Variants in SMARCA5 observed in about 807,000 individuals in gnomAD.
The protein encoded by SMARCA5 is SWI/SNF-related matrix-associated actin-dependent regulator of chromatin subfamily A member 5.
Under a neutral mutation model 140.4 loss-of-function variants are expected in SMARCA5, and 18 were observed. That is an observed-to-expected ratio of 0.13 (90% confidence interval 0.09 to 0.19). SMARCA5 has a LOEUF of 0.19. Ranked by LOEUF, SMARCA5 falls within the 10% of genes least tolerant of loss-of-function variation. SMARCA5 has a pLI of 1.00. For missense variants in SMARCA5, 606 were observed against 1,276.8 expected (o/e 0.47, Z 8.01); for synonymous variants, 449 against 419.6 (o/e 1.07, Z -0.86).
At chr4:143,548,854 T>G (rs1737581038) in intron 22 of SMARCA5, among the ~76,000 whole-genome samples, 1 of 152,100 alleles carries the variant, frequency 6.6e-6, no homozygotes, top group South Asian at 2.1e-4. Context: ...CTCTGTATAT[T>G]TAAAGTAAAA....
At chr4:143,539,736 A>T (rs559302459) in intron 13 of SMARCA5, among the ~76,000 whole-genome samples, 2 of 152,120 alleles carry the variant, frequency 1.3e-5, no homozygotes, top group South Asian at 4.2e-4. Context: ...GGGTTTCACC[A>T]TGTTGGTCAG....
intron 22 of SMARCA5, 32 bp downstream of exon 22, chr4:143,548,172 G>A (rs1239010496): frequency 7.6e-7 from 1 of 1,316,306 alleles, no homozygotes; most frequent in Non-Finnish European, 1.1e-6. Context: ...GTGTAATGTA[G>A]CAGAGTTCAG....
At chr4:143,529,945 A>G (rs1229758983) in intron 8 of SMARCA5, among the ~76,000 whole-genome samples, 2 of 152,180 alleles carry the variant, frequency 1.3e-5, no homozygotes, top group Non-Finnish European at 2.9e-5. Context: ...AAAACAAAGC[A>G]CATATATAAT....
rs2149822532 is a variant in SMARCA5 at position 143,538,693 on chromosome 4, A to G, written c.1599A>G (p.Thr533=). The G allele has an allele frequency of 6.2e-7, 1 of 1,614,084 alleles. No individual in the cohort carries two copies. Among genetic ancestry groups the G allele is most frequent in the Non-Finnish European group, 8.5e-7 (1 of 1,179,960 alleles). The part of the protein sequence containing the change: ...NYEYCRLDGQ[T]PHDERQDSIN... ...AGTACTGCAGGTTGGATGGTCAGAC[A>G]CCCCATGATGAGAGACAAGTGAGTA... Residue 533 remains threonine, a synonymous_variant, in exon 12 of 24, where the codon ACA becomes ACG. Coordinates refer to ENST00000283131, the MANE Select transcript of SMARCA5 (RefSeq NM_003601.4).
intron 4 of SMARCA5, 58 bp downstream of exon 4, chr4:143,524,525 A>G: frequency 1.8e-6 from 2 of 1,106,502 alleles, no homozygotes; most frequent in African/African-American, 1.6e-5. Context: ...TCCTTTGGTT[A>G]ATGTTTTGGA....
At chr4:143,549,247 T>C (rs1267615797) in intron 22 of SMARCA5, among the ~76,000 whole-genome samples, 1 of 152,064 alleles carries the variant, frequency 6.6e-6, no homozygotes, top group Non-Finnish European at 1.5e-5. Flanking sequence ...ATACTATTTC[T>C]AAGTCTTGTG....
At chr4:143,551,543 T>C (rs891617840) in intron 23 of SMARCA5, among the ~76,000 whole-genome samples, 2 of 152,124 alleles carry the variant, frequency 1.3e-5, no homozygotes, top group Non-Finnish European at 2.9e-5. Flanking sequence ...GGACTTAAAG[T>C]CTTTAATACA....
At chr4:143,542,904 G>T (rs763582363) in intron 14 of SMARCA5, among the ~76,000 whole-genome samples, 2 of 152,136 alleles carry the variant, frequency 1.3e-5, no homozygotes, top group African/African-American at 2.4e-5. Context: ...GGCTTGAGCA[G>T]GGAGTTGAAG....
chr4:143,514,121 TG>T lies in SMARCA5; in HGVS notation c.177+24del. On this transcript the variant is annotated intron_variant, in intron 1 of 23. Transcript: ENST00000283131. ...ATGGAGGTGAGGGCGACTTGCGGCA[TG>T]GGGAGCGGGTGCAGCGGGGAGGAGG... 6.6e-7 allele frequency: 1 copy of T among 1,515,612 alleles called. No homozygotes were observed. The highest frequency in any genetic ancestry group is 8.8e-7 in the Non-Finnish European group (1 of 1,138,704). The allele number at this position is 1,515,612 out of a possible 1,614,324, so 93.9% of individuals were successfully genotyped here. A position where few individuals can be genotyped will look rare whatever the true frequency, so the allele number is the denominator to read the frequency against.
intron 6 of SMARCA5, 89 bp from the exon 7 acceptor site, chr4:143,527,779 C>T (rs1737105055): frequency 1.8e-6 from 2 of 1,134,318 alleles, no homozygotes; most frequent in East Asian, 2.6e-5. Flanking sequence ...GTATTCCCAC[C>T]TCTTTTTATA....
chr4:143,519,973 T>A (rs1389119423), intron 2 of SMARCA5, among the ~76,000 whole-genome samples: 2 of 152,162 alleles, frequency 1.3e-5, no homozygotes, highest in Non-Finnish European at 2.9e-5. Flanking sequence ...TTATCCTACC[T>A]CATTTCTTCC....
At chr4:143,530,562 G>C (rs1294335120) in intron 9 of SMARCA5, 36 bp downstream of exon 9, 6 of 1,389,572 alleles carry the variant, frequency 4.3e-6, no homozygotes, top group Non-Finnish European at 6.1e-6. Context: ...GCATATTTAT[G>C]ATGGGAAAAA....
intron 10 of SMARCA5, 23 bp downstream of exon 10, chr4:143,534,987 GAT>G: frequency 7.0e-7 from 1 of 1,427,926 alleles, no homozygotes. Context: ...AGATGTACTT[GAT>G]AGCACTATTG....
chr4:143,516,263 A>G (rs972609797), intron 1 of SMARCA5, among the ~76,000 whole-genome samples: 1 of 112,832 alleles, frequency 8.9e-6, no homozygotes, highest in Admixed American at 9.4e-5. Flanking sequence ...TAGCCTTCCT[A>G]TGTATTCAGT....
intron 3 of SMARCA5, 144 bp from the exon 4 acceptor site, chr4:143,524,223 A>AT (rs1737023389): frequency 1.9e-6 from 1 of 516,258 alleles, no homozygotes; most frequent in Non-Finnish European, 3.5e-6. Flanking sequence ...AAATGTACTC[A>AT]TATTTTCTAC....
chr4:143,543,687 T>C, intron 15 of SMARCA5, 30 bp downstream of exon 15: 2 of 1,583,200 alleles, frequency 1.3e-6, no homozygotes, highest in Non-Finnish European at 1.7e-6. Flanking sequence ...ATGCTTTTAA[T>C]ATAGAATGTT....
intron 19 of SMARCA5, 149 bp downstream of exon 19, chr4:143,546,196 T>A: frequency 3.9e-6 from 2 of 513,814 alleles, no homozygotes; most frequent in Non-Finnish European, 6.5e-6. Context: ...GGATAAATGC[T>A]CCATCTGATT....
Position 143,513,997 on chromosome 4 carries a change from G to A in SMARCA5, c.73G>A (p.Ala25Thr). ...SAPSKPAASI[A>T]SGGSNSSNKG... ...GCCTTCCAAGCCCGCAGCCTCGATC[G>A]CCAGCGGCGGGAGCAACAGCAGCAA... Residue 25 changes from alanine (A) to threonine (T), a missense_variant, in exon 1 of 24, where the codon GCC becomes ACC. Ala to Thr is a moderately conservative substitution (Grantham distance 58). Coordinates refer to ENST00000283131, the MANE Select transcript of SMARCA5 (RefSeq NM_003601.4). 1 of 1,560,386 alleles carries A rather than the reference G, an allele frequency of 6.4e-7. No individual in the cohort carries two copies. Among genetic ancestry groups the A allele is most frequent in the Non-Finnish European group, 8.6e-7 (1 of 1,160,090 alleles).
At position 143,553,313 on chromosome 4, in the gene SMARCA5, G is replaced by A; in HGVS notation, c.*129G>A. Reference sequence around the variant, plus strand: ...GACATCAGGTTCATCTGTTTACTGAGCTAGAAACATAGTATGTAGTTTCAC... The same window carrying A: ...GACATCAGGTTCATCTGTTTACTGAACTAGAAACATAGTATGTAGTTTCAC... On this transcript the variant is annotated 3_prime_UTR_variant, in exon 24 of 24. Transcript: ENST00000283131. 1.6e-6 allele frequency: 1 copy of A among 643,750 alleles called. No individual in the cohort carries two copies. The highest frequency in any genetic ancestry group is 2.7e-6 in the Non-Finnish European group (1 of 364,756). The allele number at this position is 643,750 out of a possible 1,614,324, so 39.9% of individuals were successfully genotyped here.
Sources: allele counts gnomAD v4.1 joint callset (sites outside exome capture counted in the v4.1 genomes callset), GRCh38; gene constraint gnomAD v4.1.1; transcripts MANE v1.5; gene names NCBI Gene and HGNC (gene_info 2026-07-23, HGNC 2026-07-21).